The following DENND5A variants were observed in gnomAD, a reference collection of about 807,000 sequenced individuals.
DENND5A encodes the protein DENN domain containing 5A.
DENND5A carries 64 observed loss-of-function variants against 140.3 expected under a neutral mutation model. The observed-to-expected ratio is 0.46, with a 90% CI of 0.37 to 0.56. DENND5A has a LOEUF of 0.56. Among genes scored for constraint, DENND5A ranks in the 20% least tolerant of loss-of-function variants. The pLI, the probability that DENND5A is intolerant of heterozygous loss-of-function variation, is 0.00. For missense variants in DENND5A, 1,292 were observed against 1,593.8 expected (o/e 0.81, Z 3.22); for synonymous variants, 605 against 607.7 (o/e 1.00, Z 0.07).
At chr11:9,209,781 T>C (rs994907053) in intron 1 of DENND5A, among the ~76,000 whole-genome samples, 6 of 152,032 alleles carry the variant, frequency 3.9e-5, no homozygotes, top group African/African-American at 1.4e-4. Context: ...AATGATTCAC[T>C]CATCATTTAC....
chr11:9,263,868 A>G lies in DENND5A; in HGVS notation c.109+1093T>C, dbSNP rs777893881. 4.6e-3 allele frequency among the ~76,000 whole-genome samples: 696 copies of G among 151,368 alleles called. 9 individuals carry two copies. The highest frequency in any genetic ancestry group is 0.021 in the South Asian group (102 of 4,812). On this transcript the variant is annotated intron_variant, in intron 1 of 22. Coordinates refer to ENST00000328194, the MANE Select transcript of DENND5A (RefSeq NM_015213.4). The stretch of plus-strand genomic sequence containing the variant: ...CGTCTCAAAAAAAAAAAAAAAAAAA[A>G]AAAGAAACACTGGACTTTTTCTGGT...
intron 17 of DENND5A, 191 bp from the exon 18 acceptor site, chr11:9,145,304 A>C (rs1847390497): frequency 3.3e-6 from 2 of 599,560 alleles, no homozygotes. Flanking sequence ...AGGCTGAGAA[A>C]GAAAACACTC....
chr11:9,172,182 G>A (rs1237449227), intron 8 of DENND5A: 1 of 152,026 alleles, frequency 6.6e-6, no homozygotes, highest in Non-Finnish European at 1.5e-5. Flanking sequence ...ATTACTAGAA[G>A]AAATACTGGC....
chr11:9,265,263 C>T lies in DENND5A; in HGVS notation c.-194G>A, dbSNP rs1282932441. ...ACGGGGCGGGGGGGCACCGGGCCGCCCCGCACCGCATCCTGGATGCCTTCC... is the reference window on the plus strand; with the variant it reads ...ACGGGGCGGGGGGGCACCGGGCCGCTCCGCACCGCATCCTGGATGCCTTCC... On this transcript the variant is annotated 5_prime_UTR_variant, in exon 1 of 23. Coordinates refer to ENST00000328194, the MANE Select transcript of DENND5A (RefSeq NM_015213.4). This position sits in a 1 kb window ranked among gnomAD's most constrained non-coding sequence, Gnocchi z 4.7. 4.7e-5 allele frequency: 12 copies of T among 257,322 alleles called. No homozygotes were observed. The highest frequency in any genetic ancestry group is 2.9e-5 in the Non-Finnish European group (4 of 137,298). 15.9% of individuals were successfully genotyped at this position (257,322 alleles called of 1,614,324 possible). A position where few individuals can be genotyped will look rare whatever the true frequency, so the allele number is the denominator to read the frequency against.
intron 5 of DENND5A, among the ~76,000 whole-genome samples, chr11:9,186,726 G>T (rs1388655536): frequency 6.6e-6 from 1 of 152,188 alleles, no homozygotes; most frequent in South Asian, 2.1e-4. Context: ...AGGACCCTCT[G>T]AGTAGGCACC....
intron 5 of DENND5A, 23 bp from the exon 6 acceptor site, chr11:9,181,107 G>A (rs958212618): frequency 3.1e-6 from 5 of 1,601,472 alleles, no homozygotes; most frequent in Non-Finnish European, 4.3e-6. Context: ...ACAGGATGAG[G>A]AGTATGAATA....
At chr11:9,226,073 C>A (rs1047754306) in intron 1 of DENND5A, among the ~76,000 whole-genome samples, 1 of 151,504 alleles carries the variant, frequency 6.6e-6, no homozygotes, top group Non-Finnish European at 1.5e-5. Context: ...GAGTGAGACC[C>A]TGTCTCAAAA....
chr11:9,164,065 T>G lies in DENND5A; in HGVS notation c.2283+1771A>C, dbSNP rs893575203. 1.4e-4 allele frequency among the ~76,000 whole-genome samples: 12 copies of G among 83,964 alleles called. 1 individual carries two copies. Among genetic ancestry groups the G allele is most frequent in the African/African-American group, 5.0e-4 (11 of 21,810 alleles). The allele number at this position is 83,964 out of a possible 152,430, so 55.1% of individuals were successfully genotyped here. On this transcript the variant is annotated intron_variant, in intron 11 of 22. Coordinates refer to ENST00000328194, the MANE Select transcript of DENND5A (RefSeq NM_015213.4). The stretch of plus-strand genomic sequence containing the variant: ...CTGATATATTAATCAGGTTTTTTTT[T>G]TTTTTTTTTTTTTTTTTTTTTTTTG...
At chr11:9,251,434 AT>A (rs148985564) in intron 1 of DENND5A, among the ~76,000 whole-genome samples, 236 of 152,290 alleles carry the variant, frequency 1.5e-3, no homozygotes, top group African/African-American at 5.5e-3. Context: ...CAACAAGCAA[AT>A]ATCAAAGACA....
At chr11:9,144,758 C>T (rs1332333043) in intron 18 of DENND5A, among the ~76,000 whole-genome samples, 1 of 149,750 alleles carries the variant, frequency 6.7e-6, no homozygotes, top group African/African-American at 2.5e-5. Context: ...CACTGCACTC[C>T]AGCCTAGGTG....
chr11:9,159,559 C>T (rs1477744622), intron 12 of DENND5A, among the ~76,000 whole-genome samples: 1 of 152,178 alleles, frequency 6.6e-6, no homozygotes. Flanking sequence ...CTCAAGTGAT[C>T]CACCTGTCTT....
chr11:9,163,144 C>T (rs1848047408), intron 11 of DENND5A, among the ~76,000 whole-genome samples: 1 of 152,196 alleles, frequency 6.6e-6, no homozygotes, highest in South Asian at 2.1e-4. Flanking sequence ...TACTGATTGG[C>T]TTTCTCAACT....
intron 9 of DENND5A, 82 bp downstream of exon 9, chr11:9,170,544 AG>A (rs750674962): frequency 1.8e-4 from 270 of 1,523,868 alleles, no homozygotes; most frequent in Non-Finnish European, 1.9e-4. Flanking sequence ...AAGGTCTTCT[AG>A]GGGTAACAGC....
At chr11:9,215,304 G>C (rs1239414022) in intron 1 of DENND5A, among the ~76,000 whole-genome samples, 1 of 152,284 alleles carries the variant, frequency 6.6e-6, no homozygotes, top group Admixed American at 6.5e-5. Flanking sequence ...AACTTCTTAT[G>C]TGACCAGTTT....
At chr11:9,171,230 A>G (rs890008764) in intron 8 of DENND5A, 1 of 156,708 alleles carries the variant, frequency 6.4e-6, no homozygotes, top group African/African-American at 2.4e-5. Flanking sequence ...ACGCAAGTAA[A>G]GAAACTACTC....
chr11:9,217,365 T>C (rs1412151256), intron 1 of DENND5A, among the ~76,000 whole-genome samples: 1 of 151,834 alleles, frequency 6.6e-6, no homozygotes, highest in African/African-American at 2.4e-5. Flanking sequence ...AATGCAAAAA[T>C]TAGCCAGGCG....
intron 1 of DENND5A, among the ~76,000 whole-genome samples, chr11:9,254,401 G>C (rs902544022): frequency 6.6e-6 from 1 of 152,120 alleles, no homozygotes; most frequent in Non-Finnish European, 1.5e-5. Context: ...GGGCTACTCT[G>C]TAATTGTTTT....
intron 1 of DENND5A, among the ~76,000 whole-genome samples, chr11:9,250,909 G>A (rs1005716716): frequency 6.6e-5 from 10 of 152,042 alleles, no homozygotes; most frequent in African/African-American, 2.4e-4. Context: ...TGAGGCGGGT[G>A]GGTCACCTAA....
At chr11:9,142,875 G>A in intron 20 of DENND5A, 30 bp from the exon 21 acceptor site, 1 of 1,610,662 alleles carries the variant, frequency 6.2e-7, no homozygotes, top group Admixed American at 1.7e-5. Context: ...AGGGTGCCAG[G>A]CTTGTCTCAG....
Sources: gnomAD v4.1 joint callset for allele counts (sites outside exome capture counted in the v4.1 genomes callset) on GRCh38, gnomAD v4.1.1 for gene constraint, Gnocchi (gnomAD v3.1) non-coding constraint, MANE v1.5 for transcripts, NCBI Gene and HGNC (gene_info 2026-07-23, HGNC 2026-07-21) for gene names.